RFX4: variants seen among roughly 807,000 people sequenced by gnomAD.
The protein encoded by RFX4 is regulatory factor X4.
Under a neutral mutation model 95.0 loss-of-function variants are expected in RFX4, and 10 were observed. The ratio of observed to expected loss-of-function variants is 0.11; its 90% CI spans 0.06 to 0.18. The LOEUF (loss-of-function observed/expected upper bound fraction) is 0.18, where lower values mean the gene tolerates loss of function less well. RFX4 is among the 10% of genes least tolerant of loss of function. The probability of loss-of-function intolerance (pLI) is 1.00; values close to 1 mark genes in which losing one functional copy is unlikely to be tolerated. For missense variants in RFX4, 640 were observed against 922.0 expected, an observed-to-expected ratio of 0.69 and a Z score of 3.96; for synonymous variants, 321 against 340.7, an observed-to-expected ratio of 0.94 and a Z score of 0.64.
At chr12:106,695,131 G>T (rs975069992) in intron 7 of RFX4, among the ~76,000 whole-genome samples, 7 of 152,084 alleles carry the variant, frequency 4.6e-5, no homozygotes, top group African/African-American at 7.2e-5. Context: ...ATTGATTTGG[G>T]GAAACAGGGA....
At chr12:106,584,538 T>C (rs1381413279) in intron 1 of RFX4, among the ~76,000 whole-genome samples, 1 of 152,166 alleles carries the variant, frequency 6.6e-6, no homozygotes, top group Non-Finnish European at 1.5e-5. Context: ...CCCCTGAGCA[T>C]GCACGTCCTT....
intron 2 of RFX4, among the ~76,000 whole-genome samples, chr12:106,613,633 G>T (rs563467355): frequency 6.6e-6 from 1 of 152,120 alleles, no homozygotes. Flanking sequence ...CAAAGTGCTG[G>T]TATTATAGGT....
At chr12:106,754,638 A>G (rs1391898649) in intron 17 of RFX4, among the ~76,000 whole-genome samples, 1 of 152,200 alleles carries the variant, frequency 6.6e-6, no homozygotes, top group Non-Finnish European at 1.5e-5. Flanking sequence ...CTCAAGGCCT[A>G]TGAGGTCCTG....
intron 6 of RFX4, 70 bp downstream of exon 6, chr12:106,687,167 A>ATC (rs529235754): frequency 0.066 from 50,189 of 763,728 alleles, 1,457 homozygotes; most frequent in Admixed American, 0.11. Context: ...CTCTGTCTCT[A>ATC]TCTCTCTCTC....
chr12:106,642,664 TAGTG>T (rs946604360), intron 3 of RFX4, among the ~76,000 whole-genome samples: 1 of 152,114 alleles, frequency 6.6e-6, no homozygotes, highest in African/African-American at 2.4e-5. Context: ...ATGCATTAGA[TAGTG>T]AGAAGTGCTG....
intron 1 of RFX4, among the ~76,000 whole-genome samples, chr12:106,591,330 C>T (rs1195065905): frequency 7.5e-6 from 1 of 132,748 alleles, no homozygotes; most frequent in Non-Finnish European, 1.5e-5. Context: ...TGCAATGGCT[C>T]AATCTCGGCT....
chr12:106,749,148 C>A (rs911769374), intron 16 of RFX4, among the ~76,000 whole-genome samples: 1 of 149,914 alleles, frequency 6.7e-6, no homozygotes, highest in Non-Finnish European at 1.5e-5. Context: ...CCCAGCTACT[C>A]AGGAGACTGA....
At chr12:106,683,728 T>C (rs1286452089) in intron 5 of RFX4, 1 of 152,174 alleles carries the variant, frequency 6.6e-6, no homozygotes, top group African/African-American at 2.4e-5. Flanking sequence ...GTGGCTCCGA[T>C]AGCTTGTTGC....
At chr12:106,732,375 A>G in intron 14 of RFX4, 126 bp downstream of exon 14, 1 of 1,300,328 alleles carries the variant, frequency 7.7e-7, no homozygotes, top group African/African-American at 1.5e-5. Context: ...GTTAAGTGGT[A>G]TCAAACCAAT....
intron 3 of RFX4, among the ~76,000 whole-genome samples, chr12:106,647,367 C>G (rs559336870): frequency 3.3e-5 from 5 of 152,322 alleles, no homozygotes; most frequent in Admixed American, 6.5e-5. Context: ...ATTTCTTCCT[C>G]TATGTCCTAG....
intron 2 of RFX4, among the ~76,000 whole-genome samples, chr12:106,620,553 C>A (rs1429495367): frequency 6.6e-6 from 1 of 151,948 alleles, no homozygotes; most frequent in African/African-American, 2.4e-5. Context: ...AGGGCAAAAG[C>A]AGAACTACTG....
intron 7 of RFX4, 88 bp downstream of exon 7, chr12:106,689,452 AG>A: frequency 9.3e-7 from 1 of 1,080,348 alleles, no homozygotes. Flanking sequence ...GCTAGGTGCC[AG>A]GCCTGGCATC....
intron 17 of RFX4, among the ~76,000 whole-genome samples, chr12:106,753,276 T>G (rs1286011484): frequency 3.9e-5 from 6 of 152,108 alleles, no homozygotes; most frequent in African/African-American, 1.4e-4. Flanking sequence ...TTGCAGAAAT[T>G]GTTCCCTCTG....
At chr12:106,754,673 A>G (rs764741621) in intron 17 of RFX4, among the ~76,000 whole-genome samples, 1 of 152,210 alleles carries the variant, frequency 6.6e-6, no homozygotes, top group African/African-American at 2.4e-5. Flanking sequence ...ACAGTCCCCA[A>G]CTGGAACACT....
intron 8 of RFX4, among the ~76,000 whole-genome samples, chr12:106,698,818 T>C (rs1483754052): frequency 6.6e-6 from 1 of 152,112 alleles, no homozygotes; most frequent in South Asian, 2.1e-4. Context: ...TTTTTCTTGG[T>C]CAGTGTGACT....
intron 2 of RFX4, among the ~76,000 whole-genome samples, chr12:106,629,827 C>T (rs193045182): frequency 1.5e-3 from 227 of 152,234 alleles, no homozygotes; most frequent in African/African-American, 4.8e-3. Flanking sequence ...TATGACCCTC[C>T]GGCCTCAGCC....
chr12:106,712,485 G>A (rs749969371), intron 10 of RFX4, among the ~76,000 whole-genome samples: 2 of 152,114 alleles, frequency 1.3e-5, no homozygotes, highest in African/African-American at 2.4e-5. Flanking sequence ...TCTCCTTTAA[G>A]GTGCTGTTGG....
intron 2 of RFX4, among the ~76,000 whole-genome samples, chr12:106,613,539 T>C (rs765641659): frequency 1.3e-5 from 2 of 151,954 alleles, no homozygotes; most frequent in South Asian, 4.2e-4. Context: ...ATTTTTTGTA[T>C]TTTTAGTTGA....
At chr12:106,761,018 C>T (rs1421934582) in intron 17 of RFX4, among the ~76,000 whole-genome samples, 179 bp from the exon 18 acceptor site, 1 of 151,996 alleles carries the variant, frequency 6.6e-6, no homozygotes, top group African/African-American at 2.4e-5. Flanking sequence ...TTTTGCATTT[C>T]TCCTGTTGAC....
Sources: allele counts gnomAD v4.1 joint callset (sites outside exome capture counted in the v4.1 genomes callset), GRCh38; gene constraint gnomAD v4.1.1; transcripts MANE v1.5; gene names NCBI Gene and HGNC (gene_info 2026-07-23, HGNC 2026-07-21).